Variants in NOS1AP observed in about 807,000 individuals in gnomAD.
The protein encoded by NOS1AP is carboxyl-terminal PDZ ligand of neuronal nitric oxide synthase protein.
A neutral mutation model predicts 56.2 loss-of-function variants in NOS1AP; 21 were observed. The ratio of observed to expected loss-of-function variants is 0.37; its 90% CI spans 0.26 to 0.54. The LOEUF (loss-of-function observed/expected upper bound fraction) is 0.54, where lower values mean the gene tolerates loss of function less well. NOS1AP is among the 20% of genes least tolerant of loss of function. The pLI, the probability that NOS1AP is intolerant of heterozygous loss-of-function variation, is 0.84. For missense variants in NOS1AP, 522 were observed against 657.8 expected (o/e 0.79, Z 2.26); for synonymous variants, 270 against 274.6 (o/e 0.98, Z 0.17).
intron 3 of NOS1AP, among the ~76,000 whole-genome samples, chr1:162,295,567 TGAG>T (rs1254800765): frequency 1.3e-5 from 2 of 152,254 alleles, no homozygotes; most frequent in East Asian, 3.9e-4. Context: ...TATAGAAAAG[TGAG>T]GAGGAGCTGG....
chr1:162,120,249 A>G (rs896132837), intron 1 of NOS1AP, among the ~76,000 whole-genome samples: 2 of 152,174 alleles, frequency 1.3e-5, no homozygotes, highest in Non-Finnish European at 2.9e-5. Flanking sequence ...TTTGCATTAT[A>G]TCTTTACATT....
chr1:162,241,818 C>T (rs1223873537), intron 2 of NOS1AP, among the ~76,000 whole-genome samples: 1 of 152,198 alleles, frequency 6.6e-6, no homozygotes, highest in Non-Finnish European at 1.5e-5. Context: ...AGCAGATTCA[C>T]ACTGAAACTC....
chr1:162,091,763 AAG>A (rs1692135000), intron 1 of NOS1AP, among the ~76,000 whole-genome samples: 1 of 152,124 alleles, frequency 6.6e-6, no homozygotes, highest in Non-Finnish European at 1.5e-5. Context: ...CCACTCCTCA[AAG>A]AGAGAGGGCA....
chr1:162,284,545 A>G (rs1027887674), intron 2 of NOS1AP, among the ~76,000 whole-genome samples: 2 of 152,072 alleles, frequency 1.3e-5, no homozygotes, highest in African/African-American at 2.4e-5. Context: ...TGTCACCATC[A>G]TTGAGGTTTT....
intron 4 of NOS1AP, among the ~76,000 whole-genome samples, chr1:162,323,814 G>A (rs141789490): frequency 1.3e-5 from 2 of 152,182 alleles, no homozygotes; most frequent in Non-Finnish European, 2.9e-5. Flanking sequence ...CTGCAACCTC[G>A]ACTGAGCCTT....
At chr1:162,247,148 G>C (rs1430409777) in intron 2 of NOS1AP, among the ~76,000 whole-genome samples, 2 of 151,970 alleles carry the variant, frequency 1.3e-5, no homozygotes, top group Non-Finnish European at 2.9e-5. Flanking sequence ...CATGTTTTTT[G>C]TTGTCTTGGT....
At chr1:162,256,533 G>A (rs1654036559) in intron 2 of NOS1AP, among the ~76,000 whole-genome samples, 1 of 152,182 alleles carries the variant, frequency 6.6e-6, no homozygotes, top group Non-Finnish European at 1.5e-5. Context: ...TTGAACAACA[G>A]CATCACTCAT....
Position 162,163,289 on chromosome 1 carries a change from C to T in NOS1AP, c.177+8813C>T, listed in dbSNP as rs1160401282. On this transcript the variant is annotated intron_variant, in intron 2 of 9. Coordinates refer to ENST00000361897, the MANE Select transcript of NOS1AP (RefSeq NM_014697.3). The stretch of plus-strand genomic sequence containing the variant: ...AAAACACTTGATAGGGATTGAGCAG[C>T]GTGTGATGGAATGATTAGAACTGTC... 3.3e-5 allele frequency among the ~76,000 whole-genome samples: 5 copies of T among 151,998 alleles called. No individual in the cohort carries two copies. The East Asian group carries it at 9.6e-4, about 29-fold the overall frequency.
chr1:162,364,905 GT>G, intron 8 of NOS1AP: 3 of 1,000,260 alleles, frequency 3.0e-6, no homozygotes, highest in Non-Finnish European at 3.6e-6. Flanking sequence ...TATGGGCTTC[GT>G]TGTGACACTG....
At chr1:162,252,345 C>G (rs979599122) in intron 2 of NOS1AP, among the ~76,000 whole-genome samples, 13 of 152,160 alleles carry the variant, frequency 8.5e-5, no homozygotes, top group African/African-American at 2.9e-4. Context: ...ACCACTGCAT[C>G]CAGCCCAGGG....
At chr1:162,076,518 C>T (rs1177123905) in intron 1 of NOS1AP, among the ~76,000 whole-genome samples, 6 of 152,128 alleles carry the variant, frequency 3.9e-5, no homozygotes, top group Non-Finnish European at 8.8e-5. Context: ...TAAGATATTA[C>T]AGATCTGTAC....
chr1:162,356,831 A>C, intron 7 of NOS1AP, 129 bp from the exon 8 acceptor site: 1 of 1,591,746 alleles, frequency 6.3e-7, no homozygotes, highest in Non-Finnish European at 8.5e-7. Context: ...TCCATTGAAG[A>C]TATAGTGCTG....
chr1:162,298,568 T>G (rs1333646907), intron 3 of NOS1AP, among the ~76,000 whole-genome samples: 1 of 152,240 alleles, frequency 6.6e-6, no homozygotes. Context: ...CCCTATTTAG[T>G]GTCACAGTAA....
intron 1 of NOS1AP, among the ~76,000 whole-genome samples, chr1:162,072,244 A>C (rs2102007307): frequency 6.6e-6 from 1 of 152,338 alleles, no homozygotes; most frequent in South Asian, 2.1e-4. Context: ...CCCAATTTTA[A>C]TTTGATACAT....
chr1:162,081,496 G>A (rs1234692954), intron 1 of NOS1AP, among the ~76,000 whole-genome samples: 36 of 151,186 alleles, frequency 2.4e-4, no homozygotes. Context: ...GTCCAGTGTG[G>A]CATTTCACTC....
chr1:162,287,568 G>A lies in NOS1AP; in HGVS notation c.270+132G>A. 5 of 738,510 alleles carry A rather than the reference G, an allele frequency of 6.8e-6. No homozygotes were observed. In the South Asian group the frequency reaches 7.4e-5, roughly 11 times the overall value. The allele number at this position is 738,510 out of a possible 1,614,324, so 45.7% of individuals were successfully genotyped here. ...CTGGCAAGCTCTTCTGCTTTGAGCA[G>A]CAATGGTGCTGACAGGCTGCAGCAG... is the stretch of plus-strand genomic sequence containing the variant. On this transcript the variant is annotated intron_variant, in intron 3 of 9. Coordinates refer to ENST00000361897, the MANE Select transcript of NOS1AP (RefSeq NM_014697.3).
At chr1:162,116,930 G>C (rs1381664492) in intron 1 of NOS1AP, among the ~76,000 whole-genome samples, 1 of 152,150 alleles carries the variant, frequency 6.6e-6, no homozygotes, top group Non-Finnish European at 1.5e-5. Flanking sequence ...TTTTGGGGGG[G>C]CTGGAGGGTA....
intron 5 of NOS1AP, among the ~76,000 whole-genome samples, chr1:162,343,309 T>C (rs946654789): frequency 1.3e-5 from 2 of 152,306 alleles, no homozygotes; most frequent in South Asian, 4.1e-4. Context: ...TCACCTTAGA[T>C]TTAGTTGGCT....
At chr1:162,254,065 T>A (rs1455783372) in intron 2 of NOS1AP, among the ~76,000 whole-genome samples, 2 of 152,224 alleles carry the variant, frequency 1.3e-5, no homozygotes, top group Non-Finnish European at 2.9e-5. Context: ...ACTTTAAGAA[T>A]CATTTTCTTA....
Sources: gnomAD v4.1 joint callset for allele counts (sites outside exome capture counted in the v4.1 genomes callset) on GRCh38, gnomAD v4.1.1 for gene constraint, MANE v1.5 for transcripts, NCBI Gene and HGNC (gene_info 2026-07-23, HGNC 2026-07-21) for gene names.